Variants in GLRA3 observed in about 807,000 individuals in gnomAD.
The protein encoded by GLRA3 is glycine receptor alpha 3.
Under a neutral mutation model 60.4 loss-of-function variants are expected in GLRA3, and 44 were observed. That is an observed-to-expected ratio of 0.73 (90% CI 0.57 to 0.94). The LOEUF is 0.94. GLRA3 is among the 40% of genes least tolerant of loss of function. GLRA3 has a pLI of 0.00. For synonymous variants in GLRA3, 223 were observed against 192.9 expected (o/e 1.16, Z -1.29); for missense variants, 508 against 564.6 (o/e 0.90, Z 1.02).
At position 174,677,068 on chromosome 4, in the gene GLRA3, G is replaced by A. The variant is rs879880440; in HGVS notation, c.927+10C>T. Reference sequence around the variant, plus strand: ...GTGCAAAGATGTGCATGCTCATTCAGTGCACTTACTTTTGGCAAGGAAGCT... The same window carrying A: ...GTGCAAAGATGTGCATGCTCATTCAATGCACTTACTTTTGGCAAGGAAGCT... On this transcript the variant is annotated intron_variant, in intron 7 of 9. Coordinates refer to ENST00000274093, the MANE Select transcript of GLRA3 (RefSeq NM_006529.4). 2.0e-6 allele frequency: 3 copies of A among 1,511,014 alleles called. No individual in the cohort carries two copies. Among genetic ancestry groups the A allele is most frequent in the African/African-American group, 1.4e-5 (1 of 72,872 alleles). 93.6% of individuals were successfully genotyped at this position (1,511,014 alleles called of 1,614,324 possible). A position where few individuals can be genotyped will look rare whatever the true frequency, so the allele number is the denominator to read the frequency against.
At chr4:174,824,604 C>T (rs1392541667) in intron 1 of GLRA3, among the ~76,000 whole-genome samples, 3 of 152,102 alleles carry the variant, frequency 2.0e-5, no homozygotes, top group Non-Finnish European at 2.9e-5. Flanking sequence ...GTAAATTCTT[C>T]AACTGAATTT....
At chr4:174,644,775 T>G (rs1732752831) in intron 9 of GLRA3, among the ~76,000 whole-genome samples, 1 of 152,180 alleles carries the variant, frequency 6.6e-6, no homozygotes, top group East Asian at 1.9e-4. Flanking sequence ...TACTATGTTC[T>G]TCTAAAAAGT....
intron 2 of GLRA3, among the ~76,000 whole-genome samples, chr4:174,782,432 A>G (rs374078652): frequency 1.3e-5 from 2 of 149,388 alleles, no homozygotes; most frequent in African/African-American, 2.4e-5. Context: ...CTCTCTCACC[A>G]CTCCTATTCA....
At chr4:174,656,950 T>C (rs914410312) in intron 8 of GLRA3, among the ~76,000 whole-genome samples, 163 bp from the exon 9 acceptor site, 82 of 152,270 alleles carry the variant, frequency 5.4e-4, no homozygotes, top group African/African-American at 1.9e-3. Flanking sequence ...TACCCCAACA[T>C]ACAAAACTGA....
Position 174,742,824 on chromosome 4 carries a change from A to G in GLRA3, c.268-14126T>C, listed in dbSNP as rs529769520. 5.3e-5 allele frequency among the ~76,000 whole-genome samples: 8 copies of G among 152,260 alleles called. No individual in the cohort carries two copies. The Middle Eastern group carries it at 0.01, about 194-fold the overall frequency. ...CTTGAGATTCCCTGGTCCTTGTGAA[A>G]CTCAATCTATGTCCCTAGGAGCAGA... is the stretch of plus-strand genomic sequence containing the variant. On this transcript the variant is annotated intron_variant, in intron 3 of 9. Coordinates refer to ENST00000274093, the MANE Select transcript of GLRA3 (RefSeq NM_006529.4).
Position 174,791,804 on chromosome 4 carries a change from T to A in GLRA3, c.72-2861A>T, listed in dbSNP as rs989023242. Among the ~76,000 whole-genome samples the A allele has an allele frequency of 2.6e-5, 4 of 152,206 alleles. No individual in the cohort carries two copies. In the South Asian group the frequency reaches 8.3e-4, roughly 31 times the overall value. ...TGAAAACTGGACATTTTAAGTAATATACTGTGGCGACTATGGAAATCATAT... is the reference window on the plus strand; with the variant it reads ...TGAAAACTGGACATTTTAAGTAATAAACTGTGGCGACTATGGAAATCATAT... On this transcript the variant is annotated intron_variant, in intron 1 of 9. Coordinates refer to ENST00000274093, the MANE Select transcript of GLRA3 (RefSeq NM_006529.4).
rs890729190 is a variant in GLRA3 at position 174,669,471 on chromosome 4, A to C, written c.927+7607T>G. ...CATTTATTATCCTGGAGGGTGACTC[A>C]CAACAGTCTTGCTGGTGGAATGTTC... is the stretch of plus-strand genomic sequence containing the variant. On this transcript the variant is annotated intron_variant, in intron 7 of 9. Coordinates refer to ENST00000274093, the MANE Select transcript of GLRA3 (RefSeq NM_006529.4). 2.0e-5 allele frequency among the ~76,000 whole-genome samples: 3 copies of C among 152,160 alleles called. No individual in the cohort carries two copies. In the East Asian group the frequency reaches 5.8e-4, roughly 29 times the overall value.
chr4:174,776,735 T>C (rs1287238427), intron 2 of GLRA3, among the ~76,000 whole-genome samples: 1 of 152,178 alleles, frequency 6.6e-6, no homozygotes, highest in Non-Finnish European at 1.5e-5. Flanking sequence ...TAGACATTTT[T>C]TTAGCAGCTT....
chr4:174,674,353 C>T (rs1734030965), intron 7 of GLRA3, among the ~76,000 whole-genome samples: 1 of 152,098 alleles, frequency 6.6e-6, no homozygotes, highest in Admixed American at 6.6e-5. Context: ...CATATATCAC[C>T]TTCTTATGGC....
intron 5 of GLRA3, among the ~76,000 whole-genome samples, chr4:174,708,014 A>T (rs548566485): frequency 7.9e-5 from 12 of 152,304 alleles, no homozygotes; most frequent in African/African-American, 2.6e-4. Context: ...CGAGTTCATT[A>T]CTGTATAGTT....
intron 2 of GLRA3, among the ~76,000 whole-genome samples, chr4:174,778,922 T>C (rs1738739227): frequency 6.6e-6 from 1 of 152,138 alleles, no homozygotes. Context: ...CCAGGCTTGC[T>C]TAGGTAAACA....
rs535013914 is a variant in GLRA3, at chr4:174,643,100, A to G, written c.*686T>C. 2 of 918,908 alleles carry G rather than the reference A, an allele frequency of 2.2e-6. No homozygotes were observed. Among genetic ancestry groups the G allele is most frequent in the South Asian group, 5.0e-5 (1 of 19,848 alleles). 56.9% of individuals were successfully genotyped at this position (918,908 alleles called of 1,614,324 possible). A position where few individuals can be genotyped will look rare whatever the true frequency, so the allele number is the denominator to read the frequency against. The stretch of plus-strand genomic sequence containing the variant: ...TTCCCGTATTTCCACCTTCGTTCCT[A>G]GAGATACAAAGTTTAAGAAAAGTAG... On this transcript the variant is annotated 3_prime_UTR_variant, in exon 10 of 10. Transcript: ENST00000274093.
At chr4:174,703,754 C>A (rs191931182) in intron 5 of GLRA3, among the ~76,000 whole-genome samples, 2 of 152,202 alleles carry the variant, frequency 1.3e-5, no homozygotes, top group East Asian at 3.9e-4. Flanking sequence ...TGAAAATGAG[C>A]GGATTTATAT....
chr4:174,667,271 C>T (rs1475399786), intron 7 of GLRA3, among the ~76,000 whole-genome samples: 1 of 152,020 alleles, frequency 6.6e-6, no homozygotes, highest in South Asian at 2.1e-4. Context: ...AAGTGGCCTT[C>T]GTGGCACAGA....
chr4:174,661,991 T>C (rs1158622043), intron 7 of GLRA3, among the ~76,000 whole-genome samples: 2 of 152,218 alleles, frequency 1.3e-5, no homozygotes, highest in African/African-American at 4.8e-5. Flanking sequence ...ACTGTTTTCA[T>C]ACTCAGTTTA....
At chr4:174,820,128 T>C (rs1740680599) in intron 1 of GLRA3, among the ~76,000 whole-genome samples, 1 of 152,128 alleles carries the variant, frequency 6.6e-6, no homozygotes, top group Non-Finnish European at 1.5e-5. Flanking sequence ...AAGTAAGGCA[T>C]AACTGAGTAA....
rs2110819363 is a variant in GLRA3, at chr4:174,638,264, A to C, written c.*5522T>G. ...TGGGAGGAAAGCTGAATTGAAACGCATCAAAGATTTATTTTAAATTCTTTT... is the reference window on the plus strand; with the variant it reads ...TGGGAGGAAAGCTGAATTGAAACGCCTCAAAGATTTATTTTAAATTCTTTT... On this transcript the variant is annotated 3_prime_UTR_variant, in exon 10 of 10. Coordinates refer to ENST00000274093, the MANE Select transcript of GLRA3 (RefSeq NM_006529.4). The C allele has an allele frequency of 6.6e-6, 1 of 152,250 alleles. No individual in the cohort carries two copies. Among genetic ancestry groups the C allele is most frequent in the Non-Finnish European group, 1.5e-5 (1 of 68,012 alleles). 9.4% of individuals were successfully genotyped at this position (152,250 alleles called of 1,614,324 possible).
At chr4:174,772,608 A>T (rs1303847230) in intron 2 of GLRA3, among the ~76,000 whole-genome samples, 1 of 152,232 alleles carries the variant, frequency 6.6e-6, no homozygotes, top group African/African-American at 2.4e-5. Flanking sequence ...AGAATAACTT[A>T]AAATTTTAAA....
chr4:174,735,997 C>T (rs1282539345), intron 3 of GLRA3, among the ~76,000 whole-genome samples: 4 of 152,100 alleles, frequency 2.6e-5, no homozygotes, highest in South Asian at 2.1e-4. Flanking sequence ...GTCTTTGGAA[C>T]ATTCTATTAT....
Sources: allele counts gnomAD v4.1 joint callset (sites outside exome capture counted in the v4.1 genomes callset), GRCh38; gene constraint gnomAD v4.1.1; transcripts MANE v1.5; gene names NCBI Gene and HGNC (gene_info 2026-07-23, HGNC 2026-07-21).